The following DENND4A variants were observed in gnomAD, a reference collection of about 807,000 sequenced individuals.
The protein encoded by DENND4A is DENN domain containing 4A, also known as C-myc promoter-binding protein.
DENND4A carries 70 observed loss-of-function variants against 199.3 expected under a neutral mutation model. The observed-to-expected ratio is 0.35, with a 90% confidence interval of 0.29 to 0.43. The LOEUF is 0.43. Among genes scored for constraint, DENND4A ranks in the 20% least tolerant of loss-of-function variants. DENND4A has a pLI of 1.00. For missense variants in DENND4A, 1,723 were observed against 2,255.8 expected (o/e 0.76, Z 4.78); for synonymous variants, 686 against 766.9 (o/e 0.89, Z 1.74).
At chr15:65,785,219 G>C (rs1437435208) in intron 1 of DENND4A, among the ~76,000 whole-genome samples, 1 of 151,532 alleles carries the variant, frequency 6.6e-6, no homozygotes, top group African/African-American at 2.4e-5. Context: ...ATTTATAAAG[G>C]CTGGGCATGG....
At chr15:65,720,808 T>C (rs1278395501) in intron 12 of DENND4A, among the ~76,000 whole-genome samples, 1 of 151,450 alleles carries the variant, frequency 6.6e-6, no homozygotes, top group Non-Finnish European at 1.5e-5. Flanking sequence ...CTCATAGCTG[T>C]AACGTAAAAG....
chr15:65,668,744 C>A (rs967097611), intron 27 of DENND4A, among the ~76,000 whole-genome samples: 8 of 151,684 alleles, frequency 5.3e-5, no homozygotes, highest in African/African-American at 1.9e-4. Context: ...TTGTTTGAAC[C>A]TGGGAGGCAA....
chr15:65,773,332 G>C (rs1478935369), intron 1 of DENND4A, among the ~76,000 whole-genome samples: 2 of 152,184 alleles, frequency 1.3e-5, no homozygotes. Context: ...TGAAGAACCA[G>C]GCACTAAAAC....
intron 1 of DENND4A, among the ~76,000 whole-genome samples, chr15:65,778,574 T>C (rs1596688115): frequency 1.3e-5 from 2 of 151,878 alleles, no homozygotes; most frequent in South Asian, 4.2e-4. Flanking sequence ...GGAAGTCACA[T>C]GAATTTTTTG....
In DENND4A at chr15:65,701,082, C is replaced by T; in HGVS notation, c.2670G>A (p.Lys890=). 6.2e-7 allele frequency: 1 copy of T among 1,608,646 alleles called. No homozygotes were observed. Among genetic ancestry groups the T allele is most frequent in the Non-Finnish European group, 8.5e-7 (1 of 1,178,498 alleles). Residue 890 remains lysine, a synonymous_variant, in exon 19 of 33, where the codon AAG becomes AAA. Coordinates refer to ENST00000443035, the MANE Select transcript of DENND4A (RefSeq NM_001320835.1). ...GAGTTGTTTGTGATAAGTGTGCATG[C>T]TTCTTTAAAGCTCTTTTGAACTGTG... ...GVTQFKRALK[K]HAHLSQTTLS...
At chr15:65,694,328 A>G (rs1333608052) in intron 22 of DENND4A, among the ~76,000 whole-genome samples, 1 of 152,122 alleles carries the variant, frequency 6.6e-6, no homozygotes, top group Non-Finnish European at 1.5e-5. Context: ...GTGTGCCTGT[A>G]ATCCCATCTA....
chr15:65,750,203 G>A (rs2076525446), intron 4 of DENND4A, among the ~76,000 whole-genome samples: 1 of 152,134 alleles, frequency 6.6e-6, no homozygotes, highest in South Asian at 2.1e-4. Context: ...GCAGCTGGAG[G>A]TCATCATCCT....
chr15:65,746,265 T>A (rs543133767), intron 4 of DENND4A, among the ~76,000 whole-genome samples: 23 of 152,152 alleles, frequency 1.5e-4, no homozygotes, highest in Non-Finnish European at 2.5e-4. Flanking sequence ...GTATCCACAT[T>A]GTGGTTTGCC....
At chr15:65,682,892 C>CA (rs2076629735) in intron 23 of DENND4A, among the ~76,000 whole-genome samples, 1 of 152,112 alleles carries the variant, frequency 6.6e-6, no homozygotes, top group Non-Finnish European at 1.5e-5. Flanking sequence ...GGTGGACAGT[C>CA]AGAAATTACA....
chr15:65,787,255 C>T (rs1344633645), intron 1 of DENND4A, among the ~76,000 whole-genome samples: 4 of 152,116 alleles, frequency 2.6e-5, no homozygotes, highest in Non-Finnish European at 5.9e-5. Context: ...ACTGTGTGAA[C>T]TTATGTATGT....
At chr15:65,750,463 G>C (rs903793437) in intron 4 of DENND4A, among the ~76,000 whole-genome samples, 1 of 151,290 alleles carries the variant, frequency 6.6e-6, no homozygotes, top group Non-Finnish European at 1.5e-5. Flanking sequence ...TAACAAACCT[G>C]CAAATGTACT....
chr15:65,702,161 G>A, intron 17 of DENND4A, 144 bp downstream of exon 17: 3 of 784,374 alleles, frequency 3.8e-6, no homozygotes, highest in Non-Finnish European at 6.1e-6. Flanking sequence ...CTATCTGGGA[G>A]GCTAAAATGG....
intron 3 of DENND4A, chr15:65,753,836 T>TC (rs1279278808): frequency 6.7e-6 from 1 of 149,536 alleles, no homozygotes; most frequent in Non-Finnish European, 1.5e-5. Flanking sequence ...TTTCTTTCTT[T>TC]TTTTTTTTTT....
chr15:65,659,346 T>G lies in DENND4A; in HGVS notation c.*2505A>C, dbSNP rs2075784905. The G allele has an allele frequency of 7.1e-6, 1 of 140,158 alleles. No homozygotes were observed. Among genetic ancestry groups the G allele is most frequent in the African/African-American group, 2.6e-5 (1 of 38,066 alleles). The allele number at this position is 140,158 out of a possible 1,614,324, so 8.7% of individuals were successfully genotyped here. A position where few individuals can be genotyped will look rare whatever the true frequency, so the allele number is the denominator to read the frequency against. The stretch of plus-strand genomic sequence containing the variant: ...GGTTTTTTTTTTTTTTTTTTTTTTT[T>G]TTTTTGAGACAGGGTCTTGCTCTGT... On this transcript the variant is annotated 3_prime_UTR_variant, in exon 33 of 33. Transcript: ENST00000443035.
At position 65,715,474 on chromosome 15, in the gene DENND4A, T is replaced by C; in HGVS notation, c.1953+4A>G. 4 of 1,605,996 alleles carry C rather than the reference T, an allele frequency of 2.5e-6. No homozygotes were observed. The highest frequency in any genetic ancestry group is 3.4e-6 in the Non-Finnish European group (4 of 1,177,960). ...TAGGGCATTGTAGATGTACTGTTAC[T>C]TACTTTATCTACACAATCATCAAAA... On this transcript the variant is annotated splice_donor_region_variant and intron_variant, in intron 14 of 32. Coordinates refer to ENST00000443035, the MANE Select transcript of DENND4A (RefSeq NM_001320835.1).
intron 5 of DENND4A, among the ~76,000 whole-genome samples, chr15:65,740,450 A>G (rs1246816921): frequency 1.3e-5 from 2 of 149,006 alleles, no homozygotes; most frequent in African/African-American, 4.9e-5. Context: ...TCTCTACTAA[A>G]AAAAAAAAAA....
At chr15:65,682,506 C>T (rs957967431) in intron 23 of DENND4A, among the ~76,000 whole-genome samples, 1 of 152,186 alleles carries the variant, frequency 6.6e-6, no homozygotes, top group Non-Finnish European at 1.5e-5. Context: ...TAGGCTTTAG[C>T]TTAAGGGAAT....
chr15:65,699,189 T>C (rs1161543322), intron 20 of DENND4A, among the ~76,000 whole-genome samples: 1 of 152,172 alleles, frequency 6.6e-6, no homozygotes, highest in Admixed American at 6.5e-5. Context: ...GAATATTACA[T>C]TTCAACAAAA....
intron 3 of DENND4A, 36 bp from the exon 4 acceptor site, chr15:65,752,664 A>G (rs926150440): frequency 7.7e-7 from 1 of 1,304,436 alleles, no homozygotes; most frequent in Non-Finnish European, 1.0e-6. Context: ...TACACAAAGC[A>G]CTTTAAATAT....
Sources: allele counts gnomAD v4.1 joint callset (sites outside exome capture counted in the v4.1 genomes callset), GRCh38; gene constraint gnomAD v4.1.1; transcripts MANE v1.5; gene names NCBI Gene and HGNC (gene_info 2026-07-23, HGNC 2026-07-21).